DHRSX: variants seen among roughly 807,000 people sequenced by gnomAD.
DHRSX encodes polyprenol dehydrogenase.
In DHRSX, 31 loss-of-function variants were observed where a neutral mutation model predicts 34.0. The observed-to-expected ratio is 0.91, with a 90% CI of 0.69 to 1.23. The LOEUF is 1.23. Among genes scored for constraint, DHRSX ranks in the 50% most tolerant of loss-of-function variants. The pLI, the probability that DHRSX is intolerant of heterozygous loss-of-function variation, is 0.00. For synonymous variants in DHRSX, 201 were observed against 183.8 expected (o/e 1.09, Z -0.76); for missense variants, 414 against 428.1 (o/e 0.97, Z 0.29).
intron 3 of DHRSX, among the ~76,000 whole-genome samples, chrX:2,340,486 T>C (rs747491141): frequency 6.6e-6 from 1 of 152,080 alleles, no homozygotes; most frequent in East Asian, 1.9e-4. Flanking sequence ...TGTCCATCAA[T>C]ATATACAATG....
chrX:2,482,420 C>T (rs1335019276), intron 1 of DHRSX, among the ~76,000 whole-genome samples: 1 of 151,984 alleles, frequency 6.6e-6, no homozygotes, highest in Non-Finnish European at 1.5e-5. Context: ...TGAGCCACCA[C>T]ACCCAGCCTA....
At position 2,248,570 on chromosome X, in the gene DHRSX, G is replaced by A. The variant is rs751136801; in HGVS notation, c.597-5340C>T. 9.4e-5 allele frequency among the ~76,000 whole-genome samples: 13 copies of A among 137,904 alleles called. No homozygotes were observed. The East Asian group carries it at 1.2e-3, about 13-fold the overall frequency. The allele number at this position is 137,904 out of a possible 152,430, so 90.5% of individuals were successfully genotyped here. A position where few individuals can be genotyped will look rare whatever the true frequency, so the allele number is the denominator to read the frequency against. On this transcript the variant is annotated intron_variant, in intron 5 of 6. Coordinates refer to ENST00000334651, the MANE Select transcript of DHRSX (RefSeq NM_145177.3). ...GGAGGCTGCAATGAGCCAAGATTGC[G>A]CCATTGCACTCCAGCCAGGGCGACA...
intron 6 of DHRSX, among the ~76,000 whole-genome samples, chrX:2,236,632 A>G (rs2124417482): frequency 6.6e-6 from 1 of 152,110 alleles, no homozygotes; most frequent in South Asian, 2.1e-4. Flanking sequence ...GGGTTTCACC[A>G]CGTTGGCCAG....
At chrX:2,314,486 G>GAAGGGAGGAAGGTAGGT (rs2042217949) in intron 3 of DHRSX, among the ~76,000 whole-genome samples, 1 of 118,270 alleles carries the variant, frequency 8.5e-6, no homozygotes, top group African/African-American at 5.7e-5. Flanking sequence ...AGGAAGGAAG[G>GAAGGGAGGAAGGTAGGT]AAGGGAGGTA....
intron 3 of DHRSX, among the ~76,000 whole-genome samples, chrX:2,373,033 A>G (rs1003009325): frequency 6.6e-6 from 1 of 152,210 alleles, no homozygotes; most frequent in Admixed American, 6.5e-5. Flanking sequence ...AAGAGCTTTA[A>G]TGGACTCACA....
At chrX:2,408,035 G>A (rs2043579116) in intron 3 of DHRSX, among the ~76,000 whole-genome samples, 2 of 152,164 alleles carry the variant, frequency 1.3e-5, no homozygotes, top group Admixed American at 1.3e-4. Flanking sequence ...CAGACAGAAA[G>A]AGCACACCAG....
intron 1 of DHRSX, among the ~76,000 whole-genome samples, chrX:2,448,758 A>G (rs1219881037): frequency 6.6e-6 from 1 of 152,186 alleles, no homozygotes; most frequent in Non-Finnish European, 1.5e-5. Context: ...CCAGGCAGAA[A>G]GCAAAACAAG....
chrX:2,458,697 A>G (rs2044348577), intron 1 of DHRSX, among the ~76,000 whole-genome samples: 1 of 152,084 alleles, frequency 6.6e-6, no homozygotes, highest in African/African-American at 2.4e-5. Context: ...TTGGCAAAGA[A>G]CATAACATTT....
chrX:2,437,498 G>A (rs2044006373), intron 1 of DHRSX, among the ~76,000 whole-genome samples: 1 of 152,050 alleles, frequency 6.6e-6, no homozygotes, highest in African/African-American at 2.4e-5. Flanking sequence ...CAGCTACTCA[G>A]GAGGCTGAGG....
intron 3 of DHRSX, among the ~76,000 whole-genome samples, chrX:2,306,199 C>G (rs2042094704): frequency 6.6e-6 from 1 of 151,960 alleles, no homozygotes; most frequent in African/African-American, 2.4e-5. Flanking sequence ...TTTGCTCATT[C>G]TTGCAATCAG....
intron 3 of DHRSX, among the ~76,000 whole-genome samples, chrX:2,347,160 T>C (rs2042729454): frequency 6.6e-6 from 1 of 152,204 alleles, no homozygotes; most frequent in Non-Finnish European, 1.5e-5. Context: ...AAGGTTTAAC[T>C]GGACTTACAG....
intron 3 of DHRSX, among the ~76,000 whole-genome samples, chrX:2,358,900 G>A (rs1404497830): frequency 1.3e-5 from 2 of 150,024 alleles, no homozygotes; most frequent in Non-Finnish European, 3.0e-5. Flanking sequence ...AGTGAGCCGA[G>A]ATCGCGCCAC....
At chrX:2,498,491 A>G (rs1450025294) in intron 1 of DHRSX, among the ~76,000 whole-genome samples, 2 of 152,200 alleles carry the variant, frequency 1.3e-5, no homozygotes, top group Non-Finnish European at 2.9e-5. Flanking sequence ...AGGGCAAGCC[A>G]CTTAAGTTAA....
intron 1 of DHRSX, among the ~76,000 whole-genome samples, chrX:2,481,922 C>T (rs2044778795): frequency 6.6e-6 from 1 of 152,190 alleles, no homozygotes; most frequent in East Asian, 1.9e-4. Flanking sequence ...AGAAATGGAA[C>T]GTTCTGGGGG....
At chrX:2,387,945 C>A (rs772121650) in intron 3 of DHRSX, among the ~76,000 whole-genome samples, 1 of 151,540 alleles carries the variant, frequency 6.6e-6, no homozygotes, top group Admixed American at 6.6e-5. Flanking sequence ...TCAGGTACCC[C>A]CAGAACCTAA....
chrX:2,369,494 T>TG (rs920359757), intron 3 of DHRSX, among the ~76,000 whole-genome samples: 1 of 142,144 alleles, frequency 7.0e-6, no homozygotes, highest in African/African-American at 2.8e-5. Context: ...TTTTGTTTTT[T>TG]TTTGTTTGTT....
intron 6 of DHRSX, 135 bp from the exon 7 acceptor site, chrX:2,221,364 C>G: frequency 2.2e-6 from 2 of 914,908 alleles, no homozygotes; most frequent in Non-Finnish European, 3.3e-6. Context: ...ATGCAAAAAG[C>G]GAGGTTGGGT....
intron 3 of DHRSX, among the ~76,000 whole-genome samples, chrX:2,361,018 TCCTACTGGCTGCTA>T (rs1285258801): frequency 6.6e-6 from 1 of 152,174 alleles, no homozygotes; most frequent in Non-Finnish European, 1.5e-5. Flanking sequence ...TTCTGACAGC[TCCTACTGGCTGCTA>T]CCTACTGGCT....
At chrX:2,351,614 C>T (rs924347989) in intron 3 of DHRSX, among the ~76,000 whole-genome samples, 17 of 152,188 alleles carry the variant, frequency 1.1e-4, no homozygotes, top group African/African-American at 3.9e-4. Flanking sequence ...CTGGATTAAC[C>T]ACTGGGACCA....
Sources: gnomAD v4.1 joint callset for allele counts (sites outside exome capture counted in the v4.1 genomes callset) on GRCh38, gnomAD v4.1.1 for gene constraint, MANE v1.5 for transcripts, NCBI Gene and HGNC (gene_info 2026-07-23, HGNC 2026-07-21) for gene names.